The following ECT2 variants were observed in gnomAD, a reference collection of about 807,000 sequenced individuals.
The protein encoded by ECT2 is protein ECT2.
Under a neutral mutation model 116.9 loss-of-function variants are expected in ECT2, and 61 were observed. The observed-to-expected ratio is 0.52, with a 90% CI of 0.42 to 0.65. ECT2 has a LOEUF of 0.65. ECT2 is among the 30% of genes least tolerant of loss of function. The pLI is 0.00. For synonymous variants in ECT2, 358 were observed against 346.4 expected (o/e 1.03, Z -0.37); for missense variants, 937 against 1,078.7 (o/e 0.87, Z 1.84).
Position 172,782,117 on chromosome 3 carries a change from G to T in ECT2, c.1549-46G>T, listed in dbSNP as rs935276756. ...TCAGAAATAATAAAAGTTGTATAAG[G>T]AGCTGTCAGGTTTAATTTTAAATAT... On this transcript the variant is annotated intron_variant, in intron 14 of 24. Coordinates refer to ENST00000392692, the MANE Select transcript of ECT2 (RefSeq NM_001258315.2). 1.0e-5 allele frequency: 12 copies of T among 1,145,444 alleles called. No homozygotes were observed. The African/African-American group carries it at 1.7e-4, about 16-fold the overall frequency. 71.0% of individuals were successfully genotyped at this position (1,145,444 alleles called of 1,614,324 possible). A position where few individuals can be genotyped will look rare whatever the true frequency, so the allele number is the denominator to read the frequency against.
At position 172,762,794 on chromosome 3, in the gene ECT2, T is replaced by C. The variant is rs1178790008; in HGVS notation, c.993T>C (p.Val331=). ...TTGAACCTTCAAAGAAACTTTATGT[T>C]GTCAAGCAAGAGGCAAGTAATTCTA... ...LPFEPSKKLY[V]VKQEWFWGSI... Residue 331 remains valine, a synonymous_variant, in exon 10 of 25, where the codon GTT becomes GTC. Transcript: ENST00000392692. 7 of 1,612,468 alleles carry C rather than the reference T, an allele frequency of 4.3e-6. No homozygotes were observed. The highest frequency in any genetic ancestry group is 5.9e-6 in the Non-Finnish European group (7 of 1,179,482).
chr3:172,787,595 C>G (rs4894434), intron 18 of ECT2, among the ~76,000 whole-genome samples: 4 of 152,140 alleles, frequency 2.6e-5, no homozygotes, highest in African/African-American at 9.7e-5. Context: ...CATGCTTTTG[C>G]TTTTTTTCCC....
intron 18 of ECT2, among the ~76,000 whole-genome samples, chr3:172,791,824 C>T (rs1046122310): frequency 5.3e-5 from 8 of 152,190 alleles, no homozygotes; most frequent in African/African-American, 1.9e-4. Context: ...TTTTCTTTTG[C>T]ATTCACAGTT....
intron 13 of ECT2, among the ~76,000 whole-genome samples, chr3:172,770,121 G>T (rs1365420357): frequency 6.6e-6 from 1 of 152,136 alleles, no homozygotes; most frequent in Non-Finnish European, 1.5e-5. Flanking sequence ...GTTTTATGAG[G>T]TTCTTTGCTG....
chr3:172,816,100 A>T (rs1407952491), intron 23 of ECT2, among the ~76,000 whole-genome samples: 1 of 152,134 alleles, frequency 6.6e-6, no homozygotes. Flanking sequence ...TCTTCTCGTG[A>T]TGAAGATAAC....
At chr3:172,826,383 A>C (rs974730190), downstream of ECT2, among the ~76,000 whole-genome samples, 2 of 152,238 alleles carry the variant, frequency 1.3e-5, no homozygotes, top group East Asian at 3.8e-4. Context: ...ATGGAATAAC[A>C]AAGCCTGAAT....
chr3:172,779,929 T>C (rs943120098), intron 14 of ECT2, among the ~76,000 whole-genome samples: 1 of 151,434 alleles, frequency 6.6e-6, no homozygotes, highest in Non-Finnish European at 1.5e-5. Flanking sequence ...TATGATACAA[T>C]TCAGTTATTT....
intron 22 of ECT2, among the ~76,000 whole-genome samples, 180 bp from the exon 23 acceptor site, chr3:172,815,424 A>C (rs896011900): frequency 6.6e-6 from 1 of 152,132 alleles, no homozygotes; most frequent in Non-Finnish European, 1.5e-5. Context: ...ACATTTACTG[A>C]ATGCTTATTT....
At chr3:172,813,375 A>G (rs1441769988) in intron 22 of ECT2, among the ~76,000 whole-genome samples, 12 of 152,082 alleles carry the variant, frequency 7.9e-5, no homozygotes, top group Admixed American at 5.9e-4. Flanking sequence ...GAAGGAGACC[A>G]TTGAGGGCTA....
intron 21 of ECT2, 60 bp from the exon 22 acceptor site, chr3:172,807,710 A>T: frequency 6.5e-7 from 1 of 1,539,484 alleles, no homozygotes; most frequent in Non-Finnish European, 8.8e-7. Flanking sequence ...CTAAACTTGC[A>T]TACATCTGTC....
At chr3:172,818,231 T>C (rs945108696) in intron 24 of ECT2, 2 of 156,436 alleles carry the variant, frequency 1.3e-5, no homozygotes, top group African/African-American at 4.8e-5. Flanking sequence ...TCAACATTAA[T>C]CTTAACCAAT....
intron 5 of ECT2, among the ~76,000 whole-genome samples, chr3:172,758,469 A>ACACACG (rs1717517625): frequency 3.1e-3 from 1 of 322 alleles, no homozygotes; most frequent in African/African-American, 0.029. Flanking sequence ...TCTCTTTTAT[A>ACACACG]CACACACACA....
chr3:172,819,932 G>T (rs1272054288), intron 24 of ECT2, among the ~76,000 whole-genome samples: 1 of 151,928 alleles, frequency 6.6e-6, no homozygotes, highest in East Asian at 1.9e-4. Context: ...AACTAGTCTA[G>T]CTATTTGGCT....
In ECT2 at chr3:172,754,645, A is replaced by G; in HGVS notation, c.115A>G (p.Thr39Ala). 6.2e-7 allele frequency: 1 copy of G among 1,608,412 alleles called. No individual in the cohort carries two copies. The highest frequency in any genetic ancestry group is 8.5e-7 in the Non-Finnish European group (1 of 1,176,672). Residue 39 changes from threonine to alanine, a missense_variant, in exon 2 of 25, where the codon ACT (threonine) becomes GCT (alanine). Physicochemically the swap from Thr to Ala is moderately conservative, Grantham distance 58. Transcript: ENST00000392692. ...CAAGGAAAACTTACTTATTGGATCTACTTCATATGTAGAAGGTAAACCTGT... is the reference window on the plus strand; with the variant it reads ...CAAGGAAAACTTACTTATTGGATCTGCTTCATATGTAGAAGGTAAACCTGT... Reference protein sequence around the residue: ...ISKENLLIGSTSYVEEEMPQI... With the variant: ...ISKENLLIGSASYVEEEMPQI...
intron 18 of ECT2, among the ~76,000 whole-genome samples, chr3:172,794,623 A>G (rs1423013732): frequency 9.7e-6 from 1 of 102,686 alleles, no homozygotes; most frequent in African/African-American, 2.8e-5. Context: ...TCAGTTTCCA[A>G]ACAACAACAA....
At chr3:172,781,523 A>G (rs1559975315) in intron 14 of ECT2, among the ~76,000 whole-genome samples, 1 of 152,176 alleles carries the variant, frequency 6.6e-6, no homozygotes, top group Non-Finnish European at 1.5e-5. Flanking sequence ...TAGAATTTCA[A>G]TTAGGGCCTG....
chr3:172,809,712 C>G (rs1728428589), intron 22 of ECT2, among the ~76,000 whole-genome samples: 1 of 151,998 alleles, frequency 6.6e-6, no homozygotes, highest in Admixed American at 6.6e-5. Flanking sequence ...CCTAAGTAAC[C>G]TGAGCTTTCT....
Position 172,784,775 on chromosome 3 carries a change from G to A in ECT2, c.1797G>A (p.Arg599=). ...LVELLIRPVQ[R]LPSVALLLND... ...AACTTCTTATCCGACCAGTACAGAGGTTACCCAGTGTTGCATTACTTTTAA... is the reference window on the plus strand; with the variant it reads ...AACTTCTTATCCGACCAGTACAGAGATTACCCAGTGTTGCATTACTTTTAA... The change falls in exon 17 of 25, where the codon AGG becomes AGA. Residue 599 remains arginine (R), a synonymous_variant. Transcript: ENST00000392692. 1 of 1,609,328 alleles carries A rather than the reference G, an allele frequency of 6.2e-7. No individual in the cohort carries two copies. The highest frequency in any genetic ancestry group is 8.5e-7 in the Non-Finnish European group (1 of 1,176,424).
rs770930844 is a variant in ECT2, at chr3:172,816,640, T to A, written c.2509-51T>A. On this transcript the variant is annotated intron_variant, in intron 23 of 24. Coordinates refer to ENST00000392692, the MANE Select transcript of ECT2 (RefSeq NM_001258315.2). ...GCTTTTTTATGTTTAAATATTCTCA[T>A]CAGCTGTATTGAATTTGTCTAGGTT... 4.0e-6 allele frequency: 6 copies of A among 1,488,770 alleles called. No homozygotes were observed. The East Asian group carries it at 1.4e-4, about 35-fold the overall frequency. The allele number at this position is 1,488,770 out of a possible 1,614,324, so 92.2% of individuals were successfully genotyped here.
Sources: allele counts gnomAD v4.1 joint callset (sites outside exome capture counted in the v4.1 genomes callset), GRCh38; gene constraint gnomAD v4.1.1; transcripts MANE v1.5; gene names NCBI Gene and HGNC (gene_info 2026-07-23, HGNC 2026-07-21).